The following CTNND1 variants were observed in gnomAD, a reference collection of about 807,000 sequenced individuals.
CTNND1 encodes catenin delta 1.
Under a neutral mutation model 112.1 loss-of-function variants are expected in CTNND1, and 16 were observed. The observed-to-expected ratio is 0.14, with a 90% CI of 0.10 to 0.22. The LOEUF (loss-of-function observed/expected upper bound fraction) is 0.22, where lower values mean the gene tolerates loss of function less well. Among genes scored for constraint, CTNND1 ranks in the 10% least tolerant of loss-of-function variants. CTNND1 has a pLI of 1.00. For missense variants in CTNND1, 1,008 were observed against 1,257.0 expected, an observed-to-expected ratio of 0.80 and a Z score of 3.00; for synonymous variants, 420 against 446.5, an observed-to-expected ratio of 0.94 and a Z score of 0.75.
intron 7 of CTNND1, among the ~76,000 whole-genome samples, chr11:57,802,679 C>T (rs2062132520): frequency 1.3e-5 from 2 of 152,178 alleles, no homozygotes; most frequent in South Asian, 4.1e-4. Flanking sequence ...CCCATATAGA[C>T]ATTTAAGCTT....
intron 3 of CTNND1, among the ~76,000 whole-genome samples, chr11:57,792,413 C>T (rs151265131): frequency 4.5e-4 from 68 of 152,234 alleles, no homozygotes; most frequent in Middle Eastern, 3.4e-3. Flanking sequence ...GTCTGTCTTC[C>T]TCTGTGTGTG....
At chr11:57,789,855 G>C (rs2060505411) in intron 2 of CTNND1, among the ~76,000 whole-genome samples, 1 of 152,182 alleles carries the variant, frequency 6.6e-6, no homozygotes, top group South Asian at 2.1e-4. Flanking sequence ...TGGAGGTTAG[G>C]ATATGAACTA....
At chr11:57,783,169 C>G (rs2059760187) in intron 1 of CTNND1, among the ~76,000 whole-genome samples, 1 of 152,028 alleles carries the variant, frequency 6.6e-6, no homozygotes, top group Non-Finnish European at 1.5e-5. Flanking sequence ...GCCTATAGTC[C>G]CAGCTACTTG....
At chr11:57,808,119 A>G in intron 12 of CTNND1, 46 bp from the exon 13 acceptor site, 1 of 1,573,538 alleles carries the variant, frequency 6.4e-7, no homozygotes, top group Non-Finnish European at 8.7e-7. Flanking sequence ...AGCCTGGTTT[A>G]TTGGTACTGA....
chr11:57,807,645 T>C (rs1361531036), intron 12 of CTNND1, among the ~76,000 whole-genome samples: 2 of 151,592 alleles, frequency 1.3e-5, no homozygotes, highest in Non-Finnish European at 2.9e-5. Flanking sequence ...AAGATACTTT[T>C]TGTACTTTAC....
intron 14 of CTNND1, among the ~76,000 whole-genome samples, chr11:57,808,997 A>G (rs752093910): frequency 3.3e-5 from 5 of 152,194 alleles, no homozygotes; most frequent in Non-Finnish European, 5.9e-5. Context: ...AGATATTTTC[A>G]TTAGAGTATC....
intron 1 of CTNND1, among the ~76,000 whole-genome samples, chr11:57,764,365 A>G (rs570265456): frequency 7.9e-5 from 12 of 152,328 alleles, no homozygotes; most frequent in African/African-American, 1.7e-4. Flanking sequence ...GGTGATATTA[A>G]CAAAAAGAAA....
chr11:57,796,677 G>T lies in CTNND1; in HGVS notation c.641G>T (p.Ser214Ile). Residue 214 changes from serine (S) to isoleucine (I), a missense_variant, in exon 6 of 21, where the codon AGT (serine) becomes ATT (isoleucine). Transcript: ENST00000399050. Reference protein sequence around the residue: ...RNFHYPPDGYSRHYEDGYPGG... With the variant: ...RNFHYPPDGYIRHYEDGYPGG... ...TTCCACTACCCTCCTGATGGTTATA[G>T]TCGCCACTATGAAGATGGTTATCCA... 5 of 1,614,022 alleles carry T rather than the reference G, an allele frequency of 3.1e-6. No individual in the cohort carries two copies. The highest frequency in any genetic ancestry group is 4.2e-6 in the Non-Finnish European group (5 of 1,179,898).
rs906563243 is a variant in CTNND1, at chr11:57,818,815, T to C, written c.*2507T>C. The C allele has an allele frequency of 3.3e-5, 5 of 152,204 alleles. No homozygotes were observed. Among genetic ancestry groups the C allele is most frequent in the African/African-American group, 1.2e-4 (5 of 41,444 alleles). 9.4% of individuals were successfully genotyped at this position (152,204 alleles called of 1,614,324 possible). On this transcript the variant is annotated 3_prime_UTR_variant, in exon 21 of 21. Transcript: ENST00000399050. ...AGGCCCACTGTAATACGTAGCTCTC[T>C]TAAATATAACACTTAGGACTAGAAG...
At position 57,806,910 on chromosome 11, in the gene CTNND1, T is replaced by C. The variant is rs1233192625; in HGVS notation, c.1895-5T>C. ...CCCTTTTCCCGCCCTTTTTCATTTTTGTAGGGAAAAAACCTATAGAGGATC... is the reference window on the plus strand; with the variant it reads ...CCCTTTTCCCGCCCTTTTTCATTTTCGTAGGGAAAAAACCTATAGAGGATC... On this transcript the variant is annotated splice_polypyrimidine_tract_variant and splice_region_variant and intron_variant, in intron 11 of 20. Transcript: ENST00000399050. The C allele has an allele frequency of 6.3e-7, 1 of 1,591,464 alleles. No individual in the cohort carries two copies. Among genetic ancestry groups the C allele is most frequent in the Admixed American group, 1.8e-5 (1 of 56,314 alleles).
chr11:57,809,640 A>C (rs1204596787), intron 15 of CTNND1, among the ~76,000 whole-genome samples, 174 bp downstream of exon 15: 1 of 152,250 alleles, frequency 6.6e-6, no homozygotes, highest in Non-Finnish European at 1.5e-5. Context: ...GATTCATGTC[A>C]AACTTTTCTT....
chr11:57,809,246 T>C (rs781654239), intron 14 of CTNND1, 28 bp from the exon 15 acceptor site: 16 of 1,567,892 alleles, frequency 1.0e-5, no homozygotes, highest in African/African-American at 1.4e-5. Context: ...CTTGATCTTT[T>C]CTCCCTGCAT....
At chr11:57,797,240 TA>T (rs1266374385) in intron 6 of CTNND1, among the ~76,000 whole-genome samples, 1 of 148,520 alleles carries the variant, frequency 6.7e-6, no homozygotes, top group Non-Finnish European at 1.5e-5. Flanking sequence ...TTTTATTTTT[TA>T]TTTTTTTGAG....
chr11:57,799,669 C>G (rs1421193337), intron 6 of CTNND1, among the ~76,000 whole-genome samples: 1 of 152,118 alleles, frequency 6.6e-6, no homozygotes, highest in Non-Finnish European at 1.5e-5. Flanking sequence ...AAAGAATGTC[C>G]AATCCACTGC....
intron 1 of CTNND1, among the ~76,000 whole-genome samples, chr11:57,782,440 C>G (rs1019757216): frequency 5.3e-5 from 8 of 152,260 alleles, no homozygotes; most frequent in African/African-American, 1.2e-4. Context: ...AATTGGGGAG[C>G]CTTCTGAGCC....
At chr11:57,781,107 T>G (rs1165025994) in intron 1 of CTNND1, among the ~76,000 whole-genome samples, 1 of 152,062 alleles carries the variant, frequency 6.6e-6, no homozygotes, top group Admixed American at 6.5e-5. Flanking sequence ...CCAGGCTAAT[T>G]TTTGTATTTT....
In CTNND1 at chr11:57,809,407, T is replaced by C; in HGVS notation, c.2376T>C (p.Ala792=). Residue 792 remains alanine (A), a synonymous_variant, in exon 15 of 21, where the codon GCT becomes GCC. Coordinates refer to ENST00000399050, the MANE Select transcript of CTNND1 (RefSeq NM_001085458.2). ...AGGTTATCGCTGAGAACTTGGAGGC[T>C]GCCAAAAAGCTTCGAGAGACACAGG... The part of the protein sequence containing the change: ...INEVIAENLE[A]AKKLRETQGI... 1 of 1,613,950 alleles carries C rather than the reference T, an allele frequency of 6.2e-7. No homozygotes were observed. The highest frequency in any genetic ancestry group is 8.5e-7 in the Non-Finnish European group (1 of 1,179,854).
chr11:57,815,782 A>C (rs2137710897), intron 19 of CTNND1, 133 bp from the exon 20 acceptor site: 4 of 799,048 alleles, frequency 5.0e-6, no homozygotes, highest in South Asian at 4.4e-5. Flanking sequence ...CCTGTTTATG[A>C]ATGTTTTGCC....
chr11:57,816,191 C>T, intron 20 of CTNND1, 106 bp from the exon 21 acceptor site: 1 of 1,403,852 alleles, frequency 7.1e-7, no homozygotes, highest in Non-Finnish European at 1.0e-6. Context: ...ATCTGATTCT[C>T]CGTTATGTGC....
Sources: allele counts gnomAD v4.1 joint callset (sites outside exome capture counted in the v4.1 genomes callset), GRCh38; gene constraint gnomAD v4.1.1; transcripts MANE v1.5; gene names NCBI Gene and HGNC (gene_info 2026-07-23, HGNC 2026-07-21).